Variants in LYPLAL1 observed in about 807,000 individuals in gnomAD.
The protein encoded by LYPLAL1 is lysophospholipase-like protein 1.
A neutral mutation model predicts 19.7 loss-of-function variants in LYPLAL1; 23 were observed. The ratio of observed to expected loss-of-function variants is 1.17; its 90% CI spans 0.84 to 1.65. The LOEUF is 1.65. Among genes scored for constraint, LYPLAL1 ranks in the 40% most tolerant of loss-of-function variants. The pLI is 0.00. For missense variants in LYPLAL1, 355 were observed against 279.4 expected (o/e 1.27, Z -1.93); for synonymous variants, 119 against 96.3 (o/e 1.24, Z -1.38).
the LYPLAL1 span, among the ~76,000 whole-genome samples, chr1:219,350,103 A>T: frequency 0.14 from 21,487 of 152,188 alleles, 1,909 homozygotes; most frequent in African/African-American, 0.25. Context: ...TGTACCTTCA[A>T]ATTAATTTGT....
At chr1:219,179,409 TG>T in intron 2 of LYPLAL1, 163 bp downstream of exon 2, 1 of 592,854 alleles carries the variant, frequency 1.7e-6, no homozygotes, top group South Asian at 2.3e-5. Flanking sequence ...GTTACACTGT[TG>T]GACCAAGTTT....
the LYPLAL1 span, among the ~76,000 whole-genome samples, chr1:219,348,764 T>C: frequency 6.6e-6 from 1 of 152,198 alleles, no homozygotes; most frequent in African/African-American, 2.4e-5. Context: ...CATATTTACA[T>C]ATTTTTTCAA....
chr1:219,356,368 T>G, the LYPLAL1 span, among the ~76,000 whole-genome samples: 1 of 151,980 alleles, frequency 6.6e-6, no homozygotes, highest in Non-Finnish European at 1.5e-5. Context: ...GGCATGGTGA[T>G]GCGCACCTGT....
chr1:219,373,863 C>CAAA, the LYPLAL1 span, among the ~76,000 whole-genome samples: 123 of 102,176 alleles, frequency 1.2e-3, no homozygotes, highest in South Asian at 3.0e-3. Flanking sequence ...ATAAAATTGT[C>CAAA]AAAAAAAAAA....
intron 3 of LYPLAL1, among the ~76,000 whole-genome samples, chr1:219,204,038 A>G (rs776627934): frequency 6.6e-6 from 1 of 152,192 alleles, no homozygotes; most frequent in Non-Finnish European, 1.5e-5. Context: ...GTTAAGAGAG[A>G]GAGAACTCAG....
chr1:219,242,870 A>C, the LYPLAL1 span, among the ~76,000 whole-genome samples: 1 of 152,190 alleles, frequency 6.6e-6, no homozygotes, highest in South Asian at 2.1e-4. Context: ...AGTGTTTCTG[A>C]GTCAGGCCTG....
At chr1:219,375,393 G>A in the LYPLAL1 span, among the ~76,000 whole-genome samples, 1 of 151,434 alleles carries the variant, frequency 6.6e-6, no homozygotes, top group Non-Finnish European at 1.5e-5. Context: ...TTGAACCCGG[G>A]AGGCGGAGGT....
At chr1:219,359,976 T>C in the LYPLAL1 span, among the ~76,000 whole-genome samples, 32 of 152,214 alleles carry the variant, frequency 2.1e-4, no homozygotes, top group Non-Finnish European at 4.1e-4. Context: ...CTCCCTCTAA[T>C]AGTCAGCCAT....
the LYPLAL1 span, among the ~76,000 whole-genome samples, chr1:219,417,718 G>A: frequency 2.0e-5 from 3 of 152,372 alleles, no homozygotes; most frequent in South Asian, 6.2e-4. Flanking sequence ...ATCCTGCAGA[G>A]TCTTTTCATG....
the LYPLAL1 span, among the ~76,000 whole-genome samples, chr1:219,247,147 T>C: frequency 6.6e-6 from 1 of 152,246 alleles, no homozygotes; most frequent in Admixed American, 6.5e-5. Flanking sequence ...TTATTCTTTG[T>C]TAGCAATTAT....
chr1:219,300,324 T>A, the LYPLAL1 span, among the ~76,000 whole-genome samples: 1 of 151,966 alleles, frequency 6.6e-6, no homozygotes, highest in African/African-American at 2.4e-5. Flanking sequence ...TAAGGAAAAG[T>A]ATGGTTAAAT....
At position 219,210,983 on chromosome 1, in the gene LYPLAL1, G is replaced by T. The variant is rs998005441; in HGVS notation, c.477+336G>T. On this transcript the variant is annotated intron_variant, in intron 4 of 4. Coordinates refer to ENST00000366928, the MANE Select transcript of LYPLAL1 (RefSeq NM_138794.5). ...TAGCTGGGTTTGCTTATTGCATCAT[G>T]AACATAAAACAAAAATCAATTACAT... Among the ~76,000 whole-genome samples the T allele has an allele frequency of 2.6e-5, 4 of 152,064 alleles. No homozygotes were observed. The East Asian group carries it at 7.7e-4, about 29-fold the overall frequency.
the LYPLAL1 span, among the ~76,000 whole-genome samples, chr1:219,378,379 G>A: frequency 6.6e-6 from 1 of 152,054 alleles, no homozygotes; most frequent in Non-Finnish European, 1.5e-5. Context: ...AAAACCATCA[G>A]ATCTCATTAG....
At chr1:219,395,741 A>G in the LYPLAL1 span, among the ~76,000 whole-genome samples, 1 of 152,100 alleles carries the variant, frequency 6.6e-6, no homozygotes. Flanking sequence ...CAGGATTTTT[A>G]TAATTTTGGG....
the LYPLAL1 span, among the ~76,000 whole-genome samples, chr1:219,223,757 C>T: frequency 6.6e-6 from 1 of 152,038 alleles, no homozygotes. Flanking sequence ...TCTTAAGAAG[C>T]AATGAGAAAG....
chr1:219,335,815 T>G, the LYPLAL1 span, among the ~76,000 whole-genome samples: 1 of 151,778 alleles, frequency 6.6e-6, no homozygotes, highest in Admixed American at 6.6e-5. Flanking sequence ...ATCACAAAGC[T>G]TATGAGAGAG....
the LYPLAL1 span, among the ~76,000 whole-genome samples, chr1:219,376,118 A>T: frequency 6.6e-6 from 1 of 152,206 alleles, no homozygotes; most frequent in African/African-American, 2.4e-5. Context: ...ATGTCATGTT[A>T]TGTATATTTT....
chr1:219,439,994 C>CATATATATATATATAT, the LYPLAL1 span, among the ~76,000 whole-genome samples: 139 of 117,594 alleles, frequency 1.2e-3, 1 homozygote, highest in Non-Finnish European at 1.9e-3. Context: ...TATATATACA[C>CATATATATATATATAT]ACATATATAT....
At chr1:219,217,759 A>T (rs1437116177), downstream of LYPLAL1, among the ~76,000 whole-genome samples, 1 of 152,070 alleles carries the variant, frequency 6.6e-6, no homozygotes, top group Non-Finnish European at 1.5e-5. Flanking sequence ...CATTCTCTTC[A>T]TGCCCCCTAC....
Sources: gnomAD v4.1 joint callset for allele counts (sites outside exome capture counted in the v4.1 genomes callset) on GRCh38, gnomAD v4.1.1 for gene constraint, MANE v1.5 for transcripts, NCBI Gene and HGNC (gene_info 2026-07-23, HGNC 2026-07-21) for gene names.